The following PLEKHA5 variants were observed in gnomAD, a reference collection of about 807,000 sequenced individuals.
The protein encoded by PLEKHA5 is pleckstrin homology domain-containing family A member 5.
A neutral mutation model predicts 181.9 loss-of-function variants in PLEKHA5; 55 were observed. The observed-to-expected ratio is 0.30, with a 90% CI of 0.24 to 0.38. The LOEUF is 0.38. Among genes scored for constraint, PLEKHA5 ranks in the 10% least tolerant of loss-of-function variants. The probability of loss-of-function intolerance (pLI) is 1.00; values close to 1 mark genes in which losing one functional copy is unlikely to be tolerated. For missense variants in PLEKHA5, 1,432 were observed against 1,549.5 expected (o/e 0.92, Z 1.27); for synonymous variants, 535 against 529.4 (o/e 1.01, Z -0.15).
intron 15 of PLEKHA5, among the ~76,000 whole-genome samples, chr12:19,311,535 C>T (rs994049384): frequency 5.1e-4 from 78 of 151,996 alleles, no homozygotes; most frequent in Non-Finnish European, 9.6e-4. Flanking sequence ...ATTCTAAATG[C>T]TTTGTTGTCA....
At chr12:19,348,870 G>T (rs902310078) in intron 25 of PLEKHA5, among the ~76,000 whole-genome samples, 1 of 152,112 alleles carries the variant, frequency 6.6e-6, no homozygotes, top group African/African-American at 2.4e-5. Context: ...GCTGAGGCAG[G>T]AGAATCACTG....
Position 19,314,912 on chromosome 12 carries a change from G to T in PLEKHA5, c.2118+18G>T. 7.5e-7 allele frequency: 1 copy of T among 1,334,306 alleles called. No individual in the cohort carries two copies. The highest frequency in any genetic ancestry group is 1.1e-6 in the Non-Finnish European group (1 of 948,654). The allele number at this position is 1,334,306 out of a possible 1,614,324, so 82.7% of individuals were successfully genotyped here. A position where few individuals can be genotyped will look rare whatever the true frequency, so the allele number is the denominator to read the frequency against. On this transcript the variant is annotated intron_variant, in intron 16 of 31. Coordinates refer to ENST00000429027, the MANE Select transcript of PLEKHA5 (RefSeq NM_001256470.2). ...ACCAGCAAGTAAGGTCTTGGACAGT[G>T]AATGATACTGCTTTATCATCTGCAA...
chr12:19,166,364 T>G (rs1411455700), intron 3 of PLEKHA5, among the ~76,000 whole-genome samples: 1 of 152,216 alleles, frequency 6.6e-6, no homozygotes, highest in Non-Finnish European at 1.5e-5. Flanking sequence ...TCTAATGTTA[T>G]ATAACTAAAT....
chr12:19,173,092 C>T (rs1417148390), intron 3 of PLEKHA5, among the ~76,000 whole-genome samples: 28 of 125,670 alleles, frequency 2.2e-4, no homozygotes, highest in African/African-American at 7.2e-4. Context: ...GGCGCAATCT[C>T]GGCTCACTGC....
intron 12 of PLEKHA5, among the ~76,000 whole-genome samples, chr12:19,286,492 C>T (rs937354815): frequency 6.6e-5 from 10 of 152,232 alleles, no homozygotes; most frequent in African/African-American, 2.4e-4. Flanking sequence ...TCACATACTT[C>T]CACTAAAAGA....
intron 3 of PLEKHA5, among the ~76,000 whole-genome samples, chr12:19,144,705 G>A (rs928184155): frequency 6.6e-6 from 1 of 152,282 alleles, no homozygotes; most frequent in East Asian, 1.9e-4. Flanking sequence ...CCAACTTCTG[G>A]ATCAGTGGGA....
chr12:19,242,876 T>C (rs2062933936), intron 3 of PLEKHA5, among the ~76,000 whole-genome samples: 1 of 152,202 alleles, frequency 6.6e-6, no homozygotes, highest in African/African-American at 2.4e-5. Context: ...ATACCTGTAA[T>C]GGTAGAAATG....
At chr12:19,292,555 G>A (rs2078721194) in intron 15 of PLEKHA5, among the ~76,000 whole-genome samples, 1 of 152,224 alleles carries the variant, frequency 6.6e-6, no homozygotes, top group African/African-American at 2.4e-5. Context: ...GCCAACGTGT[G>A]TAGAGCCAGT....
chr12:19,280,297 A>G (rs1248394873), intron 11 of PLEKHA5, among the ~76,000 whole-genome samples: 5 of 152,020 alleles, frequency 3.3e-5, no homozygotes, highest in African/African-American at 1.2e-4. Context: ...TGGCCTCCCA[A>G]AGTGCTGGGA....
At chr12:19,286,965 A>AG (rs1293308121) in intron 12 of PLEKHA5, among the ~76,000 whole-genome samples, 4 of 102,570 alleles carry the variant, frequency 3.9e-5, no homozygotes, top group Non-Finnish European at 4.2e-5. Flanking sequence ...ACTCTGCTTC[A>AG]AAAAACAAAA....
intron 21 of PLEKHA5, among the ~76,000 whole-genome samples, chr12:19,339,682 A>G: frequency 6.6e-6 from 1 of 152,168 alleles, no homozygotes; most frequent in East Asian, 1.9e-4. Context: ...CAAGTAGTTA[A>G]GACATTTCAA....
rs535285192 is a variant in PLEKHA5 at position 19,366,084 on chromosome 12, T to C, written c.3729T>C (p.Val1243=). 1.7e-5 allele frequency: 28 copies of C among 1,612,002 alleles called. No homozygotes were observed. In the African/African-American group the frequency reaches 2.7e-4, roughly 15 times the overall value. Residue 1243 remains valine (V), a synonymous_variant, in exon 30 of 32, where the codon GTT becomes GTC. Transcript: ENST00000429027. The stretch of plus-strand genomic sequence containing the variant: ...TTTCTTACGAATCAACTCCTGAGGT[T>C]TCTAGAGGAAATCAAACAATGGCAG... ...TVISYESTPE[V]SRGNQTMAVK...
At chr12:19,161,705 T>C (rs1429894652) in intron 3 of PLEKHA5, among the ~76,000 whole-genome samples, 1 of 152,198 alleles carries the variant, frequency 6.6e-6, no homozygotes, top group African/African-American at 2.4e-5. Flanking sequence ...CTTTCTAAAG[T>C]GTGTTGGCCA....
At chr12:19,257,313 A>G (rs2067136792) in intron 5 of PLEKHA5, 120 bp from the exon 6 acceptor site, 1 of 555,860 alleles carries the variant, frequency 1.8e-6, no homozygotes, top group African/African-American at 2.0e-5. Flanking sequence ...TTTTTCTGAA[A>G]AGATTTAAGT....
intron 20 of PLEKHA5, among the ~76,000 whole-genome samples, chr12:19,328,558 AGT>A (rs56041821): frequency 0.5 from 71,172 of 141,344 alleles, 17,851 homozygotes; most frequent in Non-Finnish European, 0.58. Context: ...CTTTCCTAGG[AGT>A]GTGTGTGTGT....
intron 29 of PLEKHA5, 142 bp downstream of exon 29, chr12:19,361,848 C>T (rs1404498851): frequency 1.4e-6 from 1 of 695,100 alleles, no homozygotes; most frequent in African/African-American, 1.8e-5. Context: ...GTTATATAAC[C>T]TCTTAAACTA....
chr12:19,231,970 G>A lies in PLEKHA5; in HGVS notation c.228-21970G>A, dbSNP rs112509900. Among the ~76,000 whole-genome samples, 741 of 151,922 alleles carry A rather than the reference G, an allele frequency of 4.9e-3. 9 individuals carry two copies. The highest frequency in any genetic ancestry group is 0.017 in the African/African-American group (712 of 41,442). On this transcript the variant is annotated intron_variant, in intron 3 of 31. Coordinates refer to ENST00000429027, the MANE Select transcript of PLEKHA5 (RefSeq NM_001256470.2). ...AGATAGAGTTTAAATATGCCAAAGG[G>A]GATATAAATATAACCACACATTTCT...
At chr12:19,313,947 G>A (rs919245417) in intron 15 of PLEKHA5, among the ~76,000 whole-genome samples, 2 of 151,996 alleles carry the variant, frequency 1.3e-5, no homozygotes, top group East Asian at 1.9e-4. Flanking sequence ...TGTCAACCAC[G>A]ATAGAAATGC....
intron 15 of PLEKHA5, among the ~76,000 whole-genome samples, chr12:19,309,348 G>A (rs1592432558): frequency 1.3e-5 from 2 of 151,568 alleles, no homozygotes. Flanking sequence ...TACCTATCCT[G>A]AGTCCATCTT....
Sources: allele counts gnomAD v4.1 joint callset (sites outside exome capture counted in the v4.1 genomes callset), GRCh38; gene constraint gnomAD v4.1.1; transcripts MANE v1.5; gene names NCBI Gene and HGNC (gene_info 2026-07-23, HGNC 2026-07-21).